Variants in ARHGEF3 observed in about 807,000 individuals in gnomAD.
ARHGEF3 encodes the protein Rho guanine nucleotide exchange factor 3.
A neutral mutation model predicts 63.2 loss-of-function variants in ARHGEF3; 28 were observed. That is an observed-to-expected ratio of 0.44 (90% CI 0.33 to 0.61). The LOEUF (loss-of-function observed/expected upper bound fraction) is 0.61. Ranked by LOEUF, ARHGEF3 falls within the 20% of genes least tolerant of loss-of-function variation. ARHGEF3 has a pLI of 0.03. For synonymous variants in ARHGEF3, 266 were observed against 254.2 expected (o/e 1.05, Z -0.44); for missense variants, 533 against 659.3 (o/e 0.81, Z 2.10).
At chr3:56,970,068 T>C (rs964968322) in intron 2 of ARHGEF3, among the ~76,000 whole-genome samples, 4 of 152,226 alleles carry the variant, frequency 2.6e-5, no homozygotes, top group Non-Finnish European at 5.9e-5. Context: ...GCTTAATGAG[T>C]ACACAGATTC....
At chr3:56,921,035 A>G (rs2042119273) in intron 3 of ARHGEF3, among the ~76,000 whole-genome samples, 1 of 137,050 alleles carries the variant, frequency 7.3e-6, no homozygotes, top group Non-Finnish European at 1.5e-5. Context: ...AGCCTGGGTG[A>G]CAGAGCGAGA....
intron 2 of ARHGEF3, among the ~76,000 whole-genome samples, chr3:56,988,232 C>T (rs1176224578): frequency 2.6e-5 from 4 of 152,284 alleles, no homozygotes; most frequent in East Asian, 3.9e-4. Flanking sequence ...CTGCAACCTT[C>T]GCCTCCCAGG....
rs55992108 is a variant in ARHGEF3, at chr3:56,740,281, A to AC, written c.871-2927dup. The stretch of plus-strand genomic sequence containing the variant: ...TCACTACTTTGATTTAAAAAAAAAA[A>AC]CCCTTATTTTAAAAAATATAGGCTC... On this transcript the variant is annotated intron_variant, in intron 7 of 9. Coordinates refer to ENST00000296315, the MANE Select transcript of ARHGEF3 (RefSeq NM_019555.3). Among the ~76,000 whole-genome samples, 69 of 150,876 alleles carry AC rather than the reference A, an allele frequency of 4.6e-4. No homozygotes were observed. The East Asian group carries it at 9.8e-3, about 21-fold the overall frequency.
chr3:56,810,000 T>C (rs2038008285), intron 4 of ARHGEF3, among the ~76,000 whole-genome samples: 1 of 152,122 alleles, frequency 6.6e-6, no homozygotes, highest in Non-Finnish European at 1.5e-5. Flanking sequence ...CCCAAAGGGA[T>C]TACAGACGTC....
intron 2 of ARHGEF3, among the ~76,000 whole-genome samples, chr3:57,023,009 C>A (rs1024693298): frequency 6.6e-6 from 1 of 152,136 alleles, no homozygotes; most frequent in Non-Finnish European, 1.5e-5. Context: ...CTCCCTGTGT[C>A]TCTATGTAAA....
intron 3 of ARHGEF3, among the ~76,000 whole-genome samples, chr3:56,924,269 C>T (rs980335973): frequency 6.6e-6 from 1 of 152,182 alleles, no homozygotes; most frequent in Non-Finnish European, 1.5e-5. Flanking sequence ...AAATTCAGCA[C>T]TCTTTTTAAA....
At chr3:56,756,545 C>CTTT (rs35251607) in intron 2 of ARHGEF3, among the ~76,000 whole-genome samples, 77 of 100,056 alleles carry the variant, frequency 7.7e-4, no homozygotes, top group East Asian at 3.1e-3. Flanking sequence ...TCATAGCTGG[C>CTTT]TTTTTTTTTT....
chr3:56,994,024 A>G, intron 2 of ARHGEF3, among the ~76,000 whole-genome samples: 1 of 129,974 alleles, frequency 7.7e-6, no homozygotes, highest in Non-Finnish European at 1.6e-5. Context: ...AGATCGCGCC[A>G]TTGCACTCCA....
chr3:56,875,825 GA>G (rs1177282399), intron 4 of ARHGEF3, among the ~76,000 whole-genome samples: 2 of 152,228 alleles, frequency 1.3e-5, no homozygotes, highest in African/African-American at 4.8e-5. Context: ...GATGTAAAAA[GA>G]GTGGAACACA....
chr3:56,995,789 A>G (rs1227558274), intron 2 of ARHGEF3, among the ~76,000 whole-genome samples: 1 of 152,118 alleles, frequency 6.6e-6, no homozygotes, highest in Non-Finnish European at 1.5e-5. Context: ...ACATTTGAAG[A>G]TTTTCTGGCA....
At chr3:56,891,650 C>T (rs181799782) in intron 3 of ARHGEF3, among the ~76,000 whole-genome samples, 1 of 152,250 alleles carries the variant, frequency 6.6e-6, no homozygotes, top group Admixed American at 6.5e-5. Context: ...CCTCTCTGCA[C>T]CTTAGTTTCC....
chr3:56,752,156 C>T (rs907870228), intron 4 of ARHGEF3, among the ~76,000 whole-genome samples: 2 of 151,744 alleles, frequency 1.3e-5, no homozygotes, highest in East Asian at 3.9e-4. Flanking sequence ...CTCTTGACCT[C>T]GTGATCTGCC....
intron 4 of ARHGEF3, among the ~76,000 whole-genome samples, chr3:56,818,876 G>T (rs1390296144): frequency 6.6e-6 from 1 of 152,078 alleles, no homozygotes; most frequent in East Asian, 1.9e-4. Flanking sequence ...AAAGGATAAA[G>T]TGCTCCCACA....
At chr3:56,909,877 C>T (rs1284545606) in intron 3 of ARHGEF3, among the ~76,000 whole-genome samples, 2 of 152,090 alleles carry the variant, frequency 1.3e-5, no homozygotes, top group African/African-American at 4.8e-5. Flanking sequence ...TCCCTGACAT[C>T]CATGGCTTGA....
At chr3:56,843,373 C>T (rs749726948) in intron 4 of ARHGEF3, among the ~76,000 whole-genome samples, 14 of 152,262 alleles carry the variant, frequency 9.2e-5, no homozygotes, top group Middle Eastern at 3.4e-3. Context: ...GATCCCCCTG[C>T]CTCAGCTCCC....
At chr3:56,761,681 G>A (rs1319418755) in intron 2 of ARHGEF3, among the ~76,000 whole-genome samples, 1 of 152,138 alleles carries the variant, frequency 6.6e-6, no homozygotes, top group Non-Finnish European at 1.5e-5. Flanking sequence ...GCTTATCTGA[G>A]AGGTAAGGAT....
chr3:56,823,117 C>G (rs1477763233), intron 4 of ARHGEF3, among the ~76,000 whole-genome samples: 1 of 152,132 alleles, frequency 6.6e-6, no homozygotes, highest in African/African-American at 2.4e-5. Context: ...TTCCAATGAC[C>G]TCTGCTAGGA....
chr3:57,001,035 G>A (rs1469794896), intron 2 of ARHGEF3, among the ~76,000 whole-genome samples: 6 of 151,938 alleles, frequency 3.9e-5, no homozygotes, highest in Non-Finnish European at 8.8e-5. Flanking sequence ...AAATCCCTGG[G>A]CTCAAGCAAT....
chr3:56,836,979 A>G (rs1434532563), intron 4 of ARHGEF3, among the ~76,000 whole-genome samples: 1 of 152,192 alleles, frequency 6.6e-6, no homozygotes. Flanking sequence ...TGAAAGAATC[A>G]GTCTGCATTA....
Sources: gnomAD v4.1 joint callset for allele counts (sites outside exome capture counted in the v4.1 genomes callset) on GRCh38, gnomAD v4.1.1 for gene constraint, MANE v1.5 for transcripts, NCBI Gene and HGNC (gene_info 2026-07-23, HGNC 2026-07-21) for gene names.